The following TANC2 variants were observed in gnomAD, a reference collection of about 807,000 sequenced individuals.
TANC2 encodes tetratricopeptide repeat, ankyrin repeat and coiled-coil containing 2, also known as protein TANC2.
TANC2 carries 26 observed loss-of-function variants against 210.5 expected under a neutral mutation model. That is an observed-to-expected ratio of 0.12 (90% CI 0.09 to 0.17). The LOEUF (loss-of-function observed/expected upper bound fraction) is 0.17. Among genes scored for constraint, TANC2 ranks in the 10% least tolerant of loss-of-function variants. The probability of loss-of-function intolerance (pLI) is 1.00; values close to 1 mark genes in which losing one functional copy is unlikely to be tolerated. For missense variants in TANC2, 2,129 were observed against 2,608.9 expected (o/e 0.82, Z 4.01); for synonymous variants, 931 against 967.1 (o/e 0.96, Z 0.69).
intron 12 of TANC2, among the ~76,000 whole-genome samples, chr17:63,343,870 T>G (rs1030020086): frequency 6.6e-5 from 10 of 152,152 alleles, no homozygotes; most frequent in Non-Finnish European, 1.5e-4. Context: ...CACTCCAGCT[T>G]GGGTAACAGA....
Position 63,200,669 on chromosome 17 carries a change from A to G in TANC2, c.583-102A>G, listed in dbSNP as rs1017460950. 1.8e-5 allele frequency: 18 copies of G among 998,038 alleles called. No homozygotes were observed. The Admixed American group carries it at 2.6e-4, about 14-fold the overall frequency. 61.8% of individuals were successfully genotyped at this position (998,038 alleles called of 1,614,324 possible). The stretch of plus-strand genomic sequence containing the variant: ...ATAGAGCCTAATAGATGTAAAAGCT[A>G]TGCATGTAGTTTTTTTTTTCATCAA... On this transcript the variant is annotated intron_variant, in intron 6 of 27. Transcript: ENST00000689528.
chr17:63,422,009 T>C, exon 28 of TANC2: 1 of 1,536,700 alleles, frequency 6.5e-7, no homozygotes. Context: ...TTTTCAGGCT[T>C]GGTTTCCACA....
chr17:63,128,692 A>G (rs1344982103), intron 4 of TANC2, among the ~76,000 whole-genome samples: 1 of 152,094 alleles, frequency 6.6e-6, no homozygotes, highest in Non-Finnish European at 1.5e-5. Flanking sequence ...TCGGTGTAGG[A>G]TAAGAGGACT....
At chr17:63,010,071 T>G (rs1177398723) in intron 2 of TANC2, among the ~76,000 whole-genome samples, 4 of 152,144 alleles carry the variant, frequency 2.6e-5, no homozygotes, top group Non-Finnish European at 5.9e-5. Flanking sequence ...TTTTCTTTTT[T>G]AGAACAAGGG....
chr17:63,355,944 C>T lies in TANC2; in HGVS notation c.2582+554C>T, dbSNP rs75158040. 5.6e-3 allele frequency among the ~76,000 whole-genome samples: 853 copies of T among 152,204 alleles called. 7 individuals are homozygous for T. Among genetic ancestry groups the T allele is most frequent in the Middle Eastern group, 0.01 (3 of 294 alleles). The stretch of plus-strand genomic sequence containing the variant: ...GGTCTATCCATGCTGCCTTTAGATA[C>T]GTAAGGTGTCATTATCTCCATTTTG... On this transcript the variant is annotated intron_variant, in intron 14 of 27. Transcript: ENST00000689528.
At chr17:63,073,963 C>T in exon 3 of TANC2, 2 of 1,588,766 alleles carry the variant, frequency 1.3e-6, no homozygotes, top group Non-Finnish European at 1.7e-6. Flanking sequence ...CGAGGAACCA[C>T]CGGATCGAAG....
chr17:63,055,308 G>A (rs1055423412), intron 2 of TANC2, among the ~76,000 whole-genome samples: 2 of 151,922 alleles, frequency 1.3e-5, no homozygotes, highest in African/African-American at 2.4e-5. Context: ...GAAATAATGG[G>A]AAGAGAACAA....
chr17:63,120,271 T>C (rs896005118), intron 4 of TANC2, among the ~76,000 whole-genome samples: 3 of 152,114 alleles, frequency 2.0e-5, no homozygotes, highest in African/African-American at 7.2e-5. Flanking sequence ...ACTATAGACC[T>C]CCCTATTTTA....
chr17:63,181,405 A>G (rs1026993767), intron 5 of TANC2, among the ~76,000 whole-genome samples: 4 of 152,198 alleles, frequency 2.6e-5, no homozygotes, highest in East Asian at 1.9e-4. Flanking sequence ...TTTGGGGCCT[A>G]TAGGCACAGG....
At chr17:63,419,513 C>T (rs2048960927) in intron 27 of TANC2, among the ~76,000 whole-genome samples, 1 of 152,170 alleles carries the variant, frequency 6.6e-6, no homozygotes, top group South Asian at 2.1e-4. Context: ...TTAGAAAGGG[C>T]AGAGGACAGG....
At chr17:63,327,066 G>A (rs1457609633) in intron 11 of TANC2, among the ~76,000 whole-genome samples, 1 of 152,040 alleles carries the variant, frequency 6.6e-6, no homozygotes, top group African/African-American at 2.4e-5. Flanking sequence ...ATGGGCAAAG[G>A]ACCTGAACAG....
chr17:63,221,068 A>G (rs1025139168), intron 7 of TANC2, among the ~76,000 whole-genome samples: 3 of 152,066 alleles, frequency 2.0e-5, no homozygotes, highest in South Asian at 2.1e-4. Flanking sequence ...ATTGAACACA[A>G]TCATTAACCC....
chr17:62,991,482 CA>C (rs1271854862), intron 1 of TANC2, among the ~76,000 whole-genome samples: 1 of 151,446 alleles, frequency 6.6e-6, no homozygotes, highest in Non-Finnish European at 1.5e-5. Context: ...ACTAAAAATA[CA>C]AAAAAATTAG....
chr17:63,149,845 GA>G (rs1461929622), intron 4 of TANC2: 1 of 152,048 alleles, frequency 6.6e-6, no homozygotes, highest in Non-Finnish European at 1.5e-5. Context: ...GCTTGCTTTT[GA>G]CAGAACCATA....
chr17:63,093,170 G>C (rs994526283), intron 3 of TANC2, among the ~76,000 whole-genome samples: 7 of 151,522 alleles, frequency 4.6e-5, no homozygotes, highest in Non-Finnish European at 1.0e-4. Context: ...AGGTCACACA[G>C]ATTTTCTCCT....
chr17:63,407,220 A>G (rs1194535454), intron 21 of TANC2, among the ~76,000 whole-genome samples: 1 of 152,190 alleles, frequency 6.6e-6, no homozygotes, highest in East Asian at 1.9e-4. Flanking sequence ...ACTCAGACTC[A>G]AGGCTGGGTC....
In TANC2 at chr17:63,420,653, G is replaced by A. The variant is rs757785013; in HGVS notation, c.4923G>A (p.Gln1641=). 3 of 1,613,818 alleles carry A rather than the reference G, an allele frequency of 1.9e-6. No homozygotes were observed. Among genetic ancestry groups the A allele is most frequent in the Middle Eastern group, 1.7e-4 (1 of 6,060 alleles). Reference sequence around the variant, plus strand: ...AAAGTATGAGTGTCTATAGATCCCAGTCTGGTTCACCCGTGCGCTATCAGC... The same window carrying A: ...AAAGTATGAGTGTCTATAGATCCCAATCTGGTTCACCCGTGCGCTATCAGC... The change falls in exon 28 of 28, where the codon CAG becomes CAA. Residue 1641 remains glutamine (Q), a synonymous_variant. Transcript: ENST00000689528. This position sits in a 1 kb window ranked among gnomAD's most constrained non-coding sequence, Gnocchi z 4.2.
intron 3 of TANC2, among the ~76,000 whole-genome samples, chr17:63,083,050 A>G (rs1030613129): frequency 5.9e-5 from 9 of 152,192 alleles, no homozygotes; most frequent in African/African-American, 2.2e-4. Flanking sequence ...GTCAGTATAG[A>G]ACAGTACCTC....
chr17:63,395,224 C>T (rs2048115467), intron 17 of TANC2, among the ~76,000 whole-genome samples: 1 of 152,212 alleles, frequency 6.6e-6, no homozygotes, highest in Non-Finnish European at 1.5e-5. Flanking sequence ...TTTGAGAGTC[C>T]TCCCTCCTGC....
Sources: gnomAD v4.1 joint callset for allele counts (sites outside exome capture counted in the v4.1 genomes callset) on GRCh38, gnomAD v4.1.1 for gene constraint, Gnocchi (gnomAD v3.1) non-coding constraint, MANE v1.5 for transcripts, NCBI Gene and HGNC (gene_info 2026-07-23, HGNC 2026-07-21) for gene names.